SLC45A4: variants seen among roughly 807,000 people sequenced by gnomAD.
The protein encoded by SLC45A4 is polyamine-transporter SLC45A4.
SLC45A4 carries 32 observed loss-of-function variants against 63.7 expected under a neutral mutation model. The observed-to-expected ratio is 0.50, with a 90% CI of 0.38 to 0.67. SLC45A4 has a LOEUF of 0.67. Among genes scored for constraint, SLC45A4 ranks in the 30% least tolerant of loss-of-function variants. SLC45A4 has a pLI of 0.00. For synonymous variants in SLC45A4, 535 were observed against 510.0 expected (o/e 1.05, Z -0.66); for missense variants, 1,027 against 1,157.7 (o/e 0.89, Z 1.64).
At chr8:141,265,926 A>C (rs1023445459) in intron 1 of SLC45A4, among the ~76,000 whole-genome samples, 2 of 152,236 alleles carry the variant, frequency 1.3e-5, no homozygotes, top group Non-Finnish European at 2.9e-5. Context: ...CAATTGTTCC[A>C]ATCAACAACT....
chr8:141,211,659 A>G lies in SLC45A4; in HGVS notation c.2340T>C (p.His780=), dbSNP rs1212070444. The part of the protein sequence containing the change: ...AGIDVCQISS[H]WLVPQLLESI... ...TCTCCAACAGCTGCGGCACCAGCCA[A>G]TGTGACGAGATCTGACAGACGTCAA... Residue 780 remains histidine (H), a synonymous_variant, in exon 9 of 9, where the codon CAT becomes CAC. Coordinates refer to ENST00000517878, the MANE Select transcript of SLC45A4 (RefSeq NM_001286646.2). 2 of 1,607,640 alleles carry G rather than the reference A, an allele frequency of 1.2e-6. No individual in the cohort carries two copies. Among genetic ancestry groups the G allele is most frequent in the Admixed American group, 1.7e-5 (1 of 59,476 alleles).
intron 2 of SLC45A4, among the ~76,000 whole-genome samples, chr8:141,241,746 G>A (rs878953795): frequency 1.3e-5 from 2 of 152,092 alleles, no homozygotes; most frequent in Admixed American, 6.5e-5. Context: ...CTGCCTCCAA[G>A]CCTTTCCTCC....
chr8:141,217,408 C>T (rs57208834), intron 5 of SLC45A4, among the ~76,000 whole-genome samples: 4,056 of 152,332 alleles, frequency 0.027, 178 homozygotes, highest in African/African-American at 0.091. Flanking sequence ...TCTGCCACCG[C>T]GGCAAGAGGC....
intron 6 of SLC45A4, 76 bp from the exon 7 acceptor site, chr8:141,216,046 CCTCGCCCCCCACATCCCCCCGACCTCCA>C: frequency 7.5e-7 from 1 of 1,338,194 alleles, no homozygotes; most frequent in Non-Finnish European, 1.0e-6. Context: ...CCATCCCTCC[CCTCGCCCCCCACATCCCCCCGACCTCCA>C]CTCCTTCCAG....
chr8:141,219,582 G>A, intron 4 of SLC45A4, 68 bp downstream of exon 4: 1 of 1,519,836 alleles, frequency 6.6e-7, no homozygotes, highest in South Asian at 1.3e-5. Context: ...ACAGGCTCCT[G>A]TCCCCTCCCC....
At chr8:141,274,388 G>C (rs956100419) in intron 1 of SLC45A4, among the ~76,000 whole-genome samples, 3 of 152,000 alleles carry the variant, frequency 2.0e-5, no homozygotes, top group Non-Finnish European at 4.4e-5. Flanking sequence ...ACAAAAATAA[G>C]CTGGGCGTGG....
intron 1 of SLC45A4, among the ~76,000 whole-genome samples, chr8:141,274,073 CA>C (rs1322333996): frequency 6.6e-6 from 1 of 151,316 alleles, no homozygotes; most frequent in Admixed American, 6.6e-5. Context: ...ACTAAAAATA[CA>C]AAAAAATAGC....
intron 1 of SLC45A4, among the ~76,000 whole-genome samples, chr8:141,277,097 G>A (rs1217741846): frequency 6.6e-6 from 1 of 152,236 alleles, no homozygotes; most frequent in African/African-American, 2.4e-5. Context: ...ACAGGGGTGA[G>A]GAGCCCGCGC....
chr8:141,283,703 CAGTGTGGGT>C (rs1326975163), intron 1 of SLC45A4, among the ~76,000 whole-genome samples: 1 of 152,214 alleles, frequency 6.6e-6, no homozygotes, highest in Non-Finnish European at 1.5e-5. Context: ...AGAAAAGTGG[CAGTGTGGGT>C]ACAGCCCAGC....
chr8:141,237,040 GA>G (rs1236621858), intron 2 of SLC45A4, among the ~76,000 whole-genome samples: 2 of 152,058 alleles, frequency 1.3e-5, no homozygotes, highest in Non-Finnish European at 2.9e-5. Flanking sequence ...AGAAATAATT[GA>G]TTTTTTTGGT....
chr8:141,252,543 C>CCGTGTTTTCACGCCCACCTGTGCGTT (rs1828522922), intron 2 of SLC45A4: 1 of 63,596 alleles, frequency 1.6e-5, no homozygotes, highest in African/African-American at 6.1e-5. Context: ...ACCTGTGCGT[C>CCGTGTTTTCACGCCCACCTGTGCGTT]TGTGAATTTC....
chr8:141,307,449 G>T (rs1589873863), intron 1 of SLC45A4, among the ~76,000 whole-genome samples: 1 of 152,140 alleles, frequency 6.6e-6, no homozygotes, highest in African/African-American at 2.4e-5. Context: ...GGTGCAGGCT[G>T]GGGGTCCGAG....
At chr8:141,271,861 A>G (rs914984313) in intron 1 of SLC45A4, among the ~76,000 whole-genome samples, 3 of 149,652 alleles carry the variant, frequency 2.0e-5, no homozygotes, top group African/African-American at 5.1e-5. Context: ...ACACACACAC[A>G]CGCACTCACA....
rs1825759818 is a variant in SLC45A4, at chr8:141,210,790, T to C, written c.*782A>G. The C allele has an allele frequency of 8.5e-5, 13 of 152,248 alleles. No homozygotes were observed. Among genetic ancestry groups the C allele is most frequent in the Admixed American group, 8.5e-4 (13 of 15,284 alleles). The allele number at this position is 152,248 out of a possible 1,614,324, so 9.4% of individuals were successfully genotyped here. ...AGTATTAATTACAATTGTCTGACTTTATCTGTGTGATGTGCGGGGCCTCCC... is the reference window on the plus strand; with the variant it reads ...AGTATTAATTACAATTGTCTGACTTCATCTGTGTGATGTGCGGGGCCTCCC... On this transcript the variant is annotated 3_prime_UTR_variant, in exon 9 of 9. Coordinates refer to ENST00000517878, the MANE Select transcript of SLC45A4 (RefSeq NM_001286646.2).
At chr8:141,289,144 C>T (rs1830260099) in intron 1 of SLC45A4, among the ~76,000 whole-genome samples, 1 of 152,064 alleles carries the variant, frequency 6.6e-6, no homozygotes, top group Non-Finnish European at 1.5e-5. Context: ...GAAGGCGGTG[C>T]CAGGGAACAG....
chr8:141,268,985 T>C (rs1829398540), intron 1 of SLC45A4, among the ~76,000 whole-genome samples: 1 of 152,106 alleles, frequency 6.6e-6, no homozygotes, highest in Admixed American at 6.5e-5. Context: ...CTCCAAACAC[T>C]CAGCGCCTCA....
chr8:141,263,500 G>A (rs1829126380), intron 1 of SLC45A4, among the ~76,000 whole-genome samples: 1 of 152,066 alleles, frequency 6.6e-6, no homozygotes, highest in Non-Finnish European at 1.5e-5. Context: ...GGGCGCAGTG[G>A]CTCATGCCTG....
At chr8:141,253,909 C>A (rs571788897) in intron 2 of SLC45A4, 80 bp downstream of exon 2, 88 of 1,506,082 alleles carry the variant, frequency 5.8e-5, no homozygotes, top group Non-Finnish European at 7.3e-5. Context: ...CCATCCTCTG[C>A]CTCCAGAGGA....
In SLC45A4 at chr8:141,282,316, C is replaced by T. The variant is rs114966000; in HGVS notation, c.-401+25780G>A. Among the ~76,000 whole-genome samples, 7 of 152,218 alleles carry T rather than the reference C, an allele frequency of 4.6e-5. No individual in the cohort carries two copies. In the East Asian group the frequency reaches 7.7e-4, roughly 17 times the overall value. On this transcript the variant is annotated intron_variant, in intron 1 of 8. Coordinates refer to ENST00000517878, the MANE Select transcript of SLC45A4 (RefSeq NM_001286646.2). ...CCTCCTGCCTTCCCAGGTGGCCCCA[C>T]GATGGAGTTTCCTCGAATTTCCTGA...
Sources: allele counts gnomAD v4.1 joint callset (sites outside exome capture counted in the v4.1 genomes callset), GRCh38; gene constraint gnomAD v4.1.1; transcripts MANE v1.5; gene names NCBI Gene and HGNC (gene_info 2026-07-23, HGNC 2026-07-21).